Variants in FHIT observed in about 807,000 individuals in gnomAD.
FHIT encodes fragile histidine triad diadenosine triphosphatase.
In FHIT, 19 loss-of-function variants were observed where a neutral mutation model predicts 17.9. That is an observed-to-expected ratio of 1.06 (90% CI 0.74 to 1.56). The LOEUF is 1.56. Ranked by LOEUF, FHIT falls within the 40% of genes most tolerant of loss-of-function variation. The pLI, the probability that FHIT is intolerant of heterozygous loss-of-function variation, is 0.00. For synonymous variants in FHIT, 81 were observed against 69.7 expected (o/e 1.16, Z -0.81); for missense variants, 248 against 189.2 (o/e 1.31, Z -1.82).
intron 4 of FHIT, among the ~76,000 whole-genome samples, chr3:60,564,899 A>G (rs953952875): frequency 1.2e-4 from 18 of 152,186 alleles, no homozygotes; most frequent in African/African-American, 4.3e-4. Context: ...TAATTTTAAA[A>G]TAAGTTCTAC....
intron 5 of FHIT, among the ~76,000 whole-genome samples, chr3:60,405,215 C>G (rs1701808088): frequency 1.3e-5 from 2 of 152,210 alleles, no homozygotes; most frequent in Admixed American, 1.3e-4. Flanking sequence ...ACACTTTCCT[C>G]TGACTGAACC....
intron 2 of FHIT, among the ~76,000 whole-genome samples, chr3:61,137,083 C>G (rs1367411032): frequency 1.3e-5 from 2 of 152,070 alleles, no homozygotes; most frequent in African/African-American, 4.8e-5. Flanking sequence ...AGGGAAGGAA[C>G]TGGATACTCA....
intron 4 of FHIT, among the ~76,000 whole-genome samples, chr3:60,812,461 G>A (rs980767970): frequency 2.0e-5 from 3 of 152,048 alleles, no homozygotes; most frequent in Non-Finnish European, 4.4e-5. Flanking sequence ...CCAACCAGAA[G>A]TACAGAACTT....
intron 5 of FHIT, among the ~76,000 whole-genome samples, chr3:60,077,833 GT>G (rs1023998752): frequency 4.6e-5 from 7 of 151,676 alleles, no homozygotes; most frequent in Non-Finnish European, 8.8e-5. Flanking sequence ...TTGAATTAGA[GT>G]TTTTTGTTAA....
chr3:60,850,939 G>GCTAGATGCCTTTCTT (rs1461791690), intron 3 of FHIT, among the ~76,000 whole-genome samples: 2 of 152,026 alleles, frequency 1.3e-5, no homozygotes, highest in Admixed American at 6.6e-5. Flanking sequence ...TAAGAGAGTG[G>GCTAGATGCCTTTCTT]CTAGATGCCT....
At chr3:61,170,067 G>A (rs2037958332) in intron 2 of FHIT, among the ~76,000 whole-genome samples, 1 of 152,162 alleles carries the variant, frequency 6.6e-6, no homozygotes, top group Non-Finnish European at 1.5e-5. Flanking sequence ...ACAGGAATGA[G>A]GTCTGGGGCC....
At chr3:60,435,161 C>T (rs1413451840) in intron 5 of FHIT, among the ~76,000 whole-genome samples, 1 of 152,148 alleles carries the variant, frequency 6.6e-6, no homozygotes. Flanking sequence ...GAAATGTAGG[C>T]TATCCAGTTC....
chr3:60,678,568 T>C (rs1450595853), intron 4 of FHIT, among the ~76,000 whole-genome samples: 3 of 152,168 alleles, frequency 2.0e-5, no homozygotes, highest in African/African-American at 7.2e-5. Context: ...TACCAAAATG[T>C]CATCAAAATC....
At chr3:61,202,973 G>A (rs2039076586) in intron 1 of FHIT, among the ~76,000 whole-genome samples, 1 of 152,048 alleles carries the variant, frequency 6.6e-6, no homozygotes, top group East Asian at 1.9e-4. Flanking sequence ...GAGGTCAGGA[G>A]ATCGAGACCA....
chr3:60,125,384 C>G (rs1279094009), intron 5 of FHIT, among the ~76,000 whole-genome samples: 1 of 152,102 alleles, frequency 6.6e-6, no homozygotes, highest in African/African-American at 2.4e-5. Context: ...GTAATTCCAG[C>G]ACTTTGGGAG....
intron 4 of FHIT, among the ~76,000 whole-genome samples, chr3:60,571,843 G>A (rs2037395014): frequency 6.6e-6 from 1 of 152,234 alleles, no homozygotes; most frequent in Admixed American, 6.5e-5. Flanking sequence ...ATCAGAGGAA[G>A]AATTCTCTTT....
chr3:60,494,247 C>T (rs1007468045), intron 5 of FHIT, among the ~76,000 whole-genome samples: 1 of 152,164 alleles, frequency 6.6e-6, no homozygotes, highest in African/African-American at 2.4e-5. Context: ...TACCACTAAT[C>T]TGCTACCTCT....
At chr3:61,195,703 T>C (rs2038834989) in intron 2 of FHIT, among the ~76,000 whole-genome samples, 1 of 152,194 alleles carries the variant, frequency 6.6e-6, no homozygotes, top group Non-Finnish European at 1.5e-5. Context: ...TGATTAAGAA[T>C]GCAGGCTCTG....
intron 4 of FHIT, among the ~76,000 whole-genome samples, chr3:60,546,626 C>A (rs190872412): frequency 9.9e-5 from 15 of 152,260 alleles, no homozygotes; most frequent in African/African-American, 3.6e-4. Flanking sequence ...TGGGCTCCAG[C>A]ACCACCTGCT....
At chr3:61,007,778 C>T (rs886562883) in intron 3 of FHIT, among the ~76,000 whole-genome samples, 1 of 152,160 alleles carries the variant, frequency 6.6e-6, no homozygotes, top group Non-Finnish European at 1.5e-5. Flanking sequence ...TTCCTCCCTA[C>T]AGGTGTTGCT....
chr3:61,008,644 A>C (rs1410394442), intron 3 of FHIT, among the ~76,000 whole-genome samples: 1 of 152,222 alleles, frequency 6.6e-6, no homozygotes, highest in African/African-American at 2.4e-5. Context: ...ATCAAAACTA[A>C]GCCTGAGTGG....
At chr3:61,069,103 T>C (rs1425726256) in intron 2 of FHIT, among the ~76,000 whole-genome samples, 3 of 152,176 alleles carry the variant, frequency 2.0e-5, no homozygotes, top group South Asian at 2.1e-4. Flanking sequence ...TATTTTTTAA[T>C]GGCAAGATCC....
intron 5 of FHIT, among the ~76,000 whole-genome samples, chr3:60,237,441 C>G (rs1384457463): frequency 6.6e-6 from 1 of 151,788 alleles, no homozygotes; most frequent in Non-Finnish European, 1.5e-5. Flanking sequence ...CAGCTTACAT[C>G]CCAGTAACAT....
chr3:60,681,923 C>G (rs1162788629), intron 4 of FHIT, among the ~76,000 whole-genome samples: 4 of 151,800 alleles, frequency 2.6e-5, no homozygotes. Flanking sequence ...GCAAGTTATC[C>G]AGAAGATCTA....
Sources: allele counts gnomAD v4.1 joint callset (sites outside exome capture counted in the v4.1 genomes callset), GRCh38; gene constraint gnomAD v4.1.1; transcripts MANE v1.5; gene names NCBI Gene and HGNC (gene_info 2026-07-23, HGNC 2026-07-21).